The following SCN8A variants were observed in gnomAD, a reference collection of about 807,000 sequenced individuals.
SCN8A encodes sodium channel protein type 8 subunit alpha.
A neutral mutation model predicts 184.1 loss-of-function variants in SCN8A; 30 were observed. The ratio of observed to expected loss-of-function variants is 0.16; its 90% CI spans 0.12 to 0.22. The LOEUF (loss-of-function observed/expected upper bound fraction) is 0.22. Among genes scored for constraint, SCN8A ranks in the 10% least tolerant of loss-of-function variants. The probability of loss-of-function intolerance (pLI) is 1.00; values close to 1 mark genes in which losing one functional copy is unlikely to be tolerated. For missense variants in SCN8A, 1,057 were observed against 2,498.9 expected (o/e 0.42, Z 12.30); for synonymous variants, 852 against 907.0 (o/e 0.94, Z 1.09).
chr12:51,711,211 C>G (rs1456603121), intron 11 of SCN8A, among the ~76,000 whole-genome samples: 2 of 152,228 alleles, frequency 1.3e-5, no homozygotes, highest in Non-Finnish European at 2.9e-5. Flanking sequence ...TGAATGGTCT[C>G]TGATTATTCT....
chr12:51,662,206 A>G (rs1359598816), intron 1 of SCN8A, among the ~76,000 whole-genome samples: 1 of 152,252 alleles, frequency 6.6e-6, no homozygotes, highest in East Asian at 1.9e-4. Flanking sequence ...ATGATTGAAA[A>G]ATAACTTGAA....
intron 5 of SCN8A, among the ~76,000 whole-genome samples, chr12:51,688,076 T>C (rs1041055020): frequency 6.6e-6 from 1 of 152,260 alleles, no homozygotes; most frequent in Non-Finnish European, 1.5e-5. Flanking sequence ...CTTTCTGTTA[T>C]ATAAAGGCAA....
chr12:51,785,944 A>G (rs1938072452), intron 21 of SCN8A, among the ~76,000 whole-genome samples: 1 of 152,204 alleles, frequency 6.6e-6, no homozygotes. Context: ...ACATCTGTTC[A>G]GATTTTATTT....
chr12:51,700,466 A>C (rs919473069), intron 7 of SCN8A, among the ~76,000 whole-genome samples: 5 of 152,226 alleles, frequency 3.3e-5, no homozygotes, highest in African/African-American at 9.6e-5. Flanking sequence ...TACTAAGACT[A>C]TTGCAGTCGA....
rs567003860 is a variant in SCN8A at position 51,791,711 on chromosome 12, C to CA, written c.4524+1216dup. ...GCAACATAATGAGACCCCATCTCTA[C>CA]AAAAAAATTTTGTAAAAAGTAGCTG... On this transcript the variant is annotated intron_variant, in intron 25 of 26. Coordinates refer to ENST00000627620, the MANE Select transcript of SCN8A (RefSeq NM_001330260.2). Among the ~76,000 whole-genome samples the CA allele has an allele frequency of 3.2e-4, 49 of 152,118 alleles. No homozygotes were observed. In the East Asian group the frequency reaches 6.4e-3, roughly 20 times the overall value.
chr12:51,762,643 G>A lies in SCN8A; in HGVS notation c.2511G>A (p.Val837=). 1.2e-6 allele frequency: 2 copies of A among 1,605,264 alleles called. No individual in the cohort carries two copies. The highest frequency in any genetic ancestry group is 1.7e-6 in the Non-Finnish European group (2 of 1,177,600). Residue 837 remains valine, a synonymous_variant, in exon 15 of 27, where the codon GTG becomes GTA. Coordinates refer to ENST00000627620, the MANE Select transcript of SCN8A (RefSeq NM_001330260.2). ...LSLMELSLAD[V]EGLSVLRSFR... ...TAATGGAACTGAGTCTAGCAGACGTGGAGGGGCTTTCAGTGCTGCGATCTT... is the reference window on the plus strand; with the variant it reads ...TAATGGAACTGAGTCTAGCAGACGTAGAGGGGCTTTCAGTGCTGCGATCTT...
At chr12:51,621,574 T>C (rs1048366416) in intron 1 of SCN8A, among the ~76,000 whole-genome samples, 3 of 152,260 alleles carry the variant, frequency 2.0e-5, no homozygotes, top group African/African-American at 7.2e-5. Flanking sequence ...ATTGCTAGTA[T>C]ATTATCTATT....
intron 24 of SCN8A, among the ~76,000 whole-genome samples, chr12:51,789,735 A>G (rs1210037616): frequency 6.6e-6 from 1 of 152,260 alleles, no homozygotes; most frequent in Non-Finnish European, 1.5e-5. Context: ...GAAACAGATG[A>G]ATAGCTATCG....
chr12:51,760,048 A>C (rs1056665172), intron 14 of SCN8A, among the ~76,000 whole-genome samples: 4 of 152,244 alleles, frequency 2.6e-5, no homozygotes, highest in Admixed American at 1.3e-4. Context: ...GAGTCCTCAC[A>C]TGACCTAATC....
At chr12:51,759,698 C>T (rs777217143) in intron 14 of SCN8A, among the ~76,000 whole-genome samples, 15 of 152,188 alleles carry the variant, frequency 9.9e-5, no homozygotes, top group Non-Finnish European at 2.1e-4. Context: ...CCTTTGAGAA[C>T]TGCTGCATAA....
chr12:51,660,242 T>G (rs573035220), intron 1 of SCN8A, among the ~76,000 whole-genome samples: 3 of 152,044 alleles, frequency 2.0e-5, no homozygotes, highest in African/African-American at 7.3e-5. Flanking sequence ...AGAGCAGGGG[T>G]AATCGAGAGG....
intron 12 of SCN8A, among the ~76,000 whole-genome samples, chr12:51,740,336 A>G (rs1206963159): frequency 6.6e-6 from 1 of 152,100 alleles, no homozygotes; most frequent in African/African-American, 2.4e-5. Context: ...AGGTTTTGTT[A>G]TGTTGTGTTT....
rs566846451 is a variant in SCN8A at position 51,722,466 on chromosome 12, T to C, written c.1998+558T>C. 76 of 154,264 alleles carry C rather than the reference T, an allele frequency of 4.9e-4. 1 individual carries two copies. Among genetic ancestry groups the C allele is most frequent in the Admixed American group, 2.7e-3 (42 of 15,570 alleles). 9.6% of individuals were successfully genotyped at this position (154,264 alleles called of 1,614,324 possible). A position where few individuals can be genotyped will look rare whatever the true frequency, so the allele number is the denominator to read the frequency against. On this transcript the variant is annotated intron_variant, in intron 12 of 26. Transcript: ENST00000627620. Reference sequence around the variant, plus strand: ...GAATTTAGAGATCTTATCCTTTAAATTTCAAAAAAGTAATTGAGTTTTGAA... The same window carrying C: ...GAATTTAGAGATCTTATCCTTTAAACTTCAAAAAAGTAATTGAGTTTTGAA...
intron 2 of SCN8A, among the ~76,000 whole-genome samples, chr12:51,671,458 A>C (rs1038858440): frequency 4.6e-5 from 7 of 152,230 alleles, no homozygotes; most frequent in Non-Finnish European, 1.0e-4. Flanking sequence ...GTTATTAGCC[A>C]GTCACCTCAG....
At chr12:51,639,591 A>T (rs926722626) in intron 1 of SCN8A, among the ~76,000 whole-genome samples, 1 of 152,102 alleles carries the variant, frequency 6.6e-6, no homozygotes, top group African/African-American at 2.4e-5. Flanking sequence ...ATTGTGAAAG[A>T]TGCTCTGCTG....
In SCN8A at chr12:51,810,521, C is replaced by CAT. The variant is rs768678413; in HGVS notation, c.*3102_*3103dup. On this transcript the variant is annotated 3_prime_UTR_variant, in exon 27 of 27. Transcript: ENST00000627620. ...GCAGCGCAGCCACAGTATCACTGCA[C>CAT]ATATATATATAGATATATAAATATA... 6.6e-5 allele frequency: 24 copies of CAT among 364,582 alleles called. No homozygotes were observed. Among genetic ancestry groups the CAT allele is most frequent in the East Asian group, 2.0e-4 (2 of 10,146 alleles). 22.6% of individuals were successfully genotyped at this position (364,582 alleles called of 1,614,324 possible).
intron 1 of SCN8A, among the ~76,000 whole-genome samples, chr12:51,631,048 C>T (rs866596373): frequency 2.0e-5 from 3 of 152,170 alleles, no homozygotes; most frequent in Admixed American, 6.5e-5. Context: ...CATCATCAAG[C>T]GTTTTGATTC....
Position 51,808,101 on chromosome 12 carries a change from G to C in SCN8A, c.*672G>C, listed in dbSNP as rs1938770358. The C allele has an allele frequency of 6.1e-6, 1 of 164,434 alleles. No individual in the cohort carries two copies. Among genetic ancestry groups the C allele is most frequent in the African/African-American group, 2.4e-5 (1 of 41,458 alleles). 10.2% of individuals were successfully genotyped at this position (164,434 alleles called of 1,614,324 possible). A position where few individuals can be genotyped will look rare whatever the true frequency, so the allele number is the denominator to read the frequency against. On this transcript the variant is annotated 3_prime_UTR_variant, in exon 27 of 27. Coordinates refer to ENST00000627620, the MANE Select transcript of SCN8A (RefSeq NM_001330260.2). The stretch of plus-strand genomic sequence containing the variant: ...TTTGCATGATGGCATGCCGTGATCA[G>C]AAGTCATGCATGAGATCCATACACC...
intron 1 of SCN8A, among the ~76,000 whole-genome samples, chr12:51,611,958 A>G (rs942292558): frequency 1.3e-5 from 2 of 152,250 alleles, no homozygotes; most frequent in Admixed American, 6.5e-5. Flanking sequence ...ATAGATAATC[A>G]TAGTCCATGA....
Sources: allele counts gnomAD v4.1 joint callset (sites outside exome capture counted in the v4.1 genomes callset), GRCh38; gene constraint gnomAD v4.1.1; transcripts MANE v1.5; gene names NCBI Gene and HGNC (gene_info 2026-07-23, HGNC 2026-07-21).